The following CDC123 variants were observed in gnomAD, a reference collection of about 807,000 sequenced individuals.
The protein encoded by CDC123 is cell division cycle 123, also known as translation initiation factor eIF2 assembly protein.
Under a neutral mutation model 54.4 loss-of-function variants are expected in CDC123, and 37 were observed. That is an observed-to-expected ratio of 0.68 (90% CI 0.52 to 0.89). The LOEUF (loss-of-function observed/expected upper bound fraction) is 0.89, where lower values mean the gene tolerates loss of function less well. Among genes scored for constraint, CDC123 ranks in the 40% least tolerant of loss-of-function variants. The probability of loss-of-function intolerance (pLI) is 0.00; values close to 1 mark genes in which losing one functional copy is unlikely to be tolerated. For synonymous variants in CDC123, 144 were observed against 136.8 expected (o/e 1.05, Z -0.37); for missense variants, 361 against 412.1 (o/e 0.88, Z 1.07).
chr10:12,244,477 G>T (rs1020649736), intron 10 of CDC123, among the ~76,000 whole-genome samples: 6 of 152,170 alleles, frequency 3.9e-5, no homozygotes, highest in African/African-American at 1.4e-4. Context: ...GTGCGTGTCA[G>T]CACTGGCTGT....
At chr10:12,216,392 A>C (rs960142788) in intron 5 of CDC123, among the ~76,000 whole-genome samples, 1 of 152,240 alleles carries the variant, frequency 6.6e-6, no homozygotes, top group Non-Finnish European at 1.5e-5. Context: ...TAATTTCAAA[A>C]GTTATCTCAT....
chr10:12,196,312 A>G lies in CDC123; in HGVS notation c.67A>G (p.Ile23Val). 6.2e-7 allele frequency: 1 copy of G among 1,612,382 alleles called. No individual in the cohort carries two copies. Among genetic ancestry groups the G allele is most frequent in the Middle Eastern group, 1.7e-4 (1 of 6,050 alleles). The change falls in exon 1 of 13, where the codon ATC becomes GTC. Residue 23 changes from isoleucine to valine, a missense_variant. Transcript: ENST00000281141. ...AWYPFFRGVT[I>V]KSVILPLPQN... ...GTACCCGTTCTTCCGAGGCGTTACC[A>G]TCAAGAGGTGAGATGGGAGGGGGTT...
intron 12 of CDC123, chr10:12,250,015 G>A: frequency 6.2e-6 from 3 of 480,944 alleles, no homozygotes; most frequent in Non-Finnish European, 1.1e-5. Flanking sequence ...AAGGAGAGCA[G>A]GTCTCTGCTC....
Position 12,246,234 on chromosome 10 carries a change from A to T in CDC123, c.803A>T (p.Asn268Ile). The T allele has an allele frequency of 6.2e-7, 1 of 1,614,194 alleles. No individual in the cohort carries two copies. Residue 268 changes from asparagine (N) to isoleucine (I), a missense_variant, in exon 11 of 13, where the codon AAC becomes ATC. Asn to Ile is a moderately radical substitution (Grantham distance 149). Transcript: ENST00000281141. Reference protein sequence around the residue: ...LFTWEELISENNLNGDFSEVD... With the variant: ...LFTWEELISEINLNGDFSEVD... The stretch of plus-strand genomic sequence containing the variant: ...ACCTGGGAAGAACTGATATCTGAGA[A>T]CAACTTAAACGGCGATTTTAGTGAA...
chr10:12,210,847 C>A (rs1835588483), intron 4 of CDC123, among the ~76,000 whole-genome samples: 3 of 152,104 alleles, frequency 2.0e-5, no homozygotes, highest in African/African-American at 7.2e-5. Flanking sequence ...ATTACAGTCA[C>A]CTGACACCAT....
chr10:12,216,337 G>C (rs1268925466), intron 5 of CDC123, among the ~76,000 whole-genome samples: 1 of 152,144 alleles, frequency 6.6e-6, no homozygotes, highest in Non-Finnish European at 1.5e-5. Flanking sequence ...ATAGAAAACA[G>C]TTTTGTATTA....
At chr10:12,226,042 G>GACACAGC (rs1835808224) in intron 6 of CDC123, among the ~76,000 whole-genome samples, 1 of 151,974 alleles carries the variant, frequency 6.6e-6, no homozygotes, top group African/African-American at 2.4e-5. Context: ...ACCCTTCGTG[G>GACACAGC]ACACAGCACA....
chr10:12,219,025 G>A (rs751556808), intron 6 of CDC123, among the ~76,000 whole-genome samples: 1 of 152,234 alleles, frequency 6.6e-6, no homozygotes, highest in Non-Finnish European at 1.5e-5. Context: ...GCATGAGAGT[G>A]AAAATCTTGC....
intron 4 of CDC123, among the ~76,000 whole-genome samples, chr10:12,214,511 T>C (rs1328502858): frequency 1.3e-5 from 2 of 152,252 alleles, no homozygotes; most frequent in Non-Finnish European, 2.9e-5. Flanking sequence ...TAGTGGAAGA[T>C]AGATAGTTAT....
intron 4 of CDC123, among the ~76,000 whole-genome samples, chr10:12,212,969 C>CA (rs1358471207): frequency 1.3e-5 from 2 of 152,050 alleles, no homozygotes; most frequent in African/African-American, 4.8e-5. Context: ...TTGCTGATCC[C>CA]ATAGTGACAT....
intron 2 of CDC123, among the ~76,000 whole-genome samples, chr10:12,204,766 C>T (rs11257595): frequency 0.52 from 79,574 of 151,688 alleles, 22,328 homozygotes; most frequent in Middle Eastern, 0.65. Context: ...CTCAGGTGGG[C>T]AGATCACCTG....
At chr10:12,248,072 A>C (rs1836182904) in intron 11 of CDC123, among the ~76,000 whole-genome samples, 1 of 152,190 alleles carries the variant, frequency 6.6e-6, no homozygotes, top group African/African-American at 2.4e-5. Context: ...GAACCTTGAG[A>C]ACCAGTGTTT....
chr10:12,229,937 A>G (rs1473795655), intron 6 of CDC123, among the ~76,000 whole-genome samples: 2 of 152,136 alleles, frequency 1.3e-5, no homozygotes, highest in East Asian at 3.9e-4. Flanking sequence ...CCACTGTAAG[A>G]TGCACACAAC....
intron 6 of CDC123, among the ~76,000 whole-genome samples, chr10:12,229,674 A>T (rs1835872241): frequency 6.6e-6 from 1 of 152,238 alleles, no homozygotes; most frequent in South Asian, 2.1e-4. Context: ...ACTAAGCTCA[A>T]CCAGAACAAA....
Position 12,230,981 on chromosome 10 carries a change from A to T in CDC123, c.474A>T (p.Pro158=), listed in dbSNP as rs370301516. 1.2e-6 allele frequency: 2 copies of T among 1,611,038 alleles called. No homozygotes were observed. The highest frequency in any genetic ancestry group is 1.3e-5 in the African/African-American group (1 of 74,794). ...FIHCTDDSPD[P]CIEYELVLRK... is the part of the protein sequence containing the mutation. ...ATTGTACTGATGATTCTCCAGATCCATGTATAGAATATGAGGTAAGAAGCT... is the reference window on the plus strand; with the variant it reads ...ATTGTACTGATGATTCTCCAGATCCTTGTATAGAATATGAGGTAAGAAGCT... The change falls in exon 7 of 13, where the codon CCA becomes CCT. Residue 158 remains proline (P), a synonymous_variant. Coordinates refer to ENST00000281141, the MANE Select transcript of CDC123 (RefSeq NM_006023.3).
At chr10:12,221,568 C>G (rs1321979392) in intron 6 of CDC123, among the ~76,000 whole-genome samples, 1 of 152,198 alleles carries the variant, frequency 6.6e-6, no homozygotes, top group Non-Finnish European at 1.5e-5. Context: ...AGCAGAATTG[C>G]TGTGATTCGT....
chr10:12,249,571 C>G lies in CDC123; in HGVS notation c.847-10C>G. ...ATTGATATTCTTTCTCCTTTTTCTT[C>G]TTTGTACAGGATTCCCCAGCTTTCC... On this transcript the variant is annotated splice_polypyrimidine_tract_variant and intron_variant, in intron 11 of 12. Transcript: ENST00000281141. The G allele has an allele frequency of 6.2e-7, 1 of 1,602,614 alleles. No individual in the cohort carries two copies. Among genetic ancestry groups the G allele is most frequent in the Non-Finnish European group, 8.5e-7 (1 of 1,177,026 alleles).
intron 7 of CDC123, among the ~76,000 whole-genome samples, chr10:12,232,995 G>C (rs532167478): frequency 6.6e-6 from 1 of 151,874 alleles, no homozygotes; most frequent in Non-Finnish European, 1.5e-5. Flanking sequence ...TCCTGACCTC[G>C]TGATCCGTCC....
At chr10:12,210,097 G>C (rs1399777121) in intron 3 of CDC123, 73 bp downstream of exon 3, 1 of 1,532,256 alleles carries the variant, frequency 6.5e-7, no homozygotes, top group African/African-American at 1.4e-5. Context: ...GTTCTGACTT[G>C]TAGATCTTAT....
Sources: gnomAD v4.1 joint callset for allele counts (sites outside exome capture counted in the v4.1 genomes callset) on GRCh38, gnomAD v4.1.1 for gene constraint, MANE v1.5 for transcripts, NCBI Gene and HGNC (gene_info 2026-07-23, HGNC 2026-07-21) for gene names.